Variants in IQCN observed in about 807,000 individuals in gnomAD.
IQCN encodes IQ motif containing N.
A neutral mutation model predicts 64.4 loss-of-function variants in IQCN; 46 were observed. The ratio of observed to expected loss-of-function variants is 0.71; its 90% CI spans 0.56 to 0.91. The LOEUF is 0.91. Among genes scored for constraint, IQCN ranks in the 40% least tolerant of loss-of-function variants. The pLI is 0.00. For missense variants in IQCN, 1,753 were observed against 1,857.4 expected, an observed-to-expected ratio of 0.94 and a Z score of 1.03; for synonymous variants, 733 against 775.6, an observed-to-expected ratio of 0.95 and a Z score of 0.91.
chr19:18,270,561 A>G (rs1969713597), intron 1 of IQCN, among the ~76,000 whole-genome samples: 1 of 152,074 alleles, frequency 6.6e-6, no homozygotes, highest in African/African-American at 2.4e-5. Flanking sequence ...CGGGAGGCTG[A>G]GACAGGAGGA....
At position 18,265,986 on chromosome 19, in the gene IQCN, C is replaced by CA. The variant is rs757265899; in HGVS notation, c.1553dup (p.Cys519ValfsTer31). 6.2e-7 allele frequency: 1 copy of CA among 1,614,100 alleles called. No homozygotes were observed. The highest frequency in any genetic ancestry group is 8.5e-7 in the Non-Finnish European group (1 of 1,179,994). On this transcript the variant is annotated frameshift_variant, in exon 3 of 4. Transcript: ENST00000392413. LOFTEE classifies it high-confidence loss of function. The surrounding 1 kb of genome is among the most constrained non-coding windows in gnomAD (Gnocchi z 4.7). ...TTGCCACTGTTGGAGAGGCCAGACA[C>CA]AGAGTCTTGAGGATGGTGGCCACCG...
chr19:18,272,894 G>C (rs920465628), intron 1 of IQCN, among the ~76,000 whole-genome samples: 2 of 152,032 alleles, frequency 1.3e-5, no homozygotes, highest in African/African-American at 4.8e-5. Flanking sequence ...ACAGGCGTGA[G>C]CCACCGCGCC....
In IQCN at chr19:18,257,101, G is replaced by A. The variant is rs781038711; in HGVS notation, c.*79C>T. The A allele has an allele frequency of 2.8e-6, 4 of 1,416,536 alleles. No homozygotes were observed. The highest frequency in any genetic ancestry group is 1.4e-5 in the African/African-American group (1 of 70,920). The allele number at this position is 1,416,536 out of a possible 1,614,324, so 87.7% of individuals were successfully genotyped here. A position where few individuals can be genotyped will look rare whatever the true frequency, so the allele number is the denominator to read the frequency against. On this transcript the variant is annotated 3_prime_UTR_variant, in exon 4 of 4. Coordinates refer to ENST00000392413, the MANE Select transcript of IQCN (RefSeq NM_001145304.2). ...CCAGAACACATCACCCAAGATCTAG[G>A]CTGTGGAGGACTTTATTCATTAGAC...
rs756994980 is a variant in IQCN, at chr19:18,267,057, C to T, written c.483G>A (p.Gly161=). Reference sequence around the variant, plus strand: ...GCTGTGGGGCGTGATAAGGTATGTCCCCCTCCTCCGCCCTCGTTTTCTTTA... The same window carrying T: ...GCTGTGGGGCGTGATAAGGTATGTCTCCCTCCTCCGCCCTCGTTTTCTTTA... ...SLVKKTRAEE[G]DIPYHAPQQV... is the part of the protein sequence containing the mutation. Residue 161 remains glycine, a synonymous_variant, in exon 3 of 4, where the codon GGG becomes GGA. Coordinates refer to ENST00000392413, the MANE Select transcript of IQCN (RefSeq NM_001145304.2). 6.2e-7 allele frequency: 1 copy of T among 1,614,242 alleles called. No individual in the cohort carries two copies. Among genetic ancestry groups the T allele is most frequent in the East Asian group, 2.2e-5 (1 of 44,888 alleles).
chr19:18,268,642 A>C (rs553435719), intron 2 of IQCN, among the ~76,000 whole-genome samples: 61 of 152,064 alleles, frequency 4.0e-4, no homozygotes, highest in Non-Finnish European at 5.7e-4. Context: ...AGCCGGGCCA[A>C]CATGGTGAAA....
Position 18,258,068 on chromosome 19 carries a change from C to G in IQCN, c.3216G>C (p.Trp1072Cys), listed in dbSNP as rs1191979254. ...CCCTGGCTGGCTCCCATGCGCGGTT[C>G]CACGATTGGCCACCAACCACACCAG... ...ADAGVVGGQS[W>C]NRAWEPARGA... Residue 1072 changes from tryptophan to cysteine, a missense_variant, in exon 4 of 4, where the codon TGG becomes TGC. By Grantham distance (215) the Trp-to-Cys change is radical. Transcript: ENST00000392413. 5 of 1,612,110 alleles carry G rather than the reference C, an allele frequency of 3.1e-6. No individual in the cohort carries two copies. The East Asian group carries it at 1.1e-4, about 36-fold the overall frequency.
intron 1 of IQCN, among the ~76,000 whole-genome samples, chr19:18,273,884 A>T (rs1483083192): frequency 6.6e-6 from 1 of 152,102 alleles, no homozygotes; most frequent in Non-Finnish European, 1.5e-5. Context: ...AAGCCAAGCG[A>T]CTGGCTCGGT....
At chr19:18,263,952 C>G (rs940671503) in intron 3 of IQCN, among the ~76,000 whole-genome samples, 3 of 152,176 alleles carry the variant, frequency 2.0e-5, no homozygotes, top group African/African-American at 7.2e-5. Context: ...TGGGCCCACA[C>G]AGTTGGCAAT....
At position 18,266,181 on chromosome 19, in the gene IQCN, G is replaced by C. The variant is rs1969576253; in HGVS notation, c.1359C>G (p.Thr453=). 1.9e-6 allele frequency: 3 copies of C among 1,614,102 alleles called. No individual in the cohort carries two copies. Among genetic ancestry groups the C allele is most frequent in the Non-Finnish European group, 2.5e-6 (3 of 1,180,012 alleles). The change falls in exon 3 of 4, where the codon ACC becomes ACG. Residue 453 remains threonine (T), a synonymous_variant. Coordinates refer to ENST00000392413, the MANE Select transcript of IQCN (RefSeq NM_001145304.2). This position sits in a 1 kb window ranked among gnomAD's most constrained non-coding sequence, Gnocchi z 4.3. ...QVCPGPAMAK[T]PPQMHPVTTP... is the part of the protein sequence containing the mutation. ...TGGTGACCGGGTGCATCTGGGGTGG[G>C]GTCTTTGCCATCGCAGGCCCCGGGC...
chr19:18,267,619 T>C, intron 2 of IQCN, 93 bp from the exon 3 acceptor site: 2 of 1,429,924 alleles, frequency 1.4e-6, no homozygotes, highest in Non-Finnish European at 1.8e-6. Flanking sequence ...CAGGCCCAGA[T>C]CTTGTTCCTG....
At position 18,267,263 on chromosome 19, in the gene IQCN, T is replaced by A. The variant is rs1472944528; in HGVS notation, c.277A>T (p.Asn93Tyr). 5.6e-6 allele frequency: 9 copies of A among 1,614,124 alleles called. No homozygotes were observed. The highest frequency in any genetic ancestry group is 7.6e-6 in the Non-Finnish European group (9 of 1,180,040). The change falls in exon 3 of 4, where the codon AAC (asparagine) becomes TAC (tyrosine). Residue 93 changes from asparagine to tyrosine, a missense_variant. By Grantham distance (143) the Asn-to-Tyr change is moderately radical. Coordinates refer to ENST00000392413, the MANE Select transcript of IQCN (RefSeq NM_001145304.2). The part of the protein sequence containing the change: ...RAVVESQAFK[N>Y]ILVDEMDMMH... ...ATGTCCATCTCGTCTACCAGGATGT[T>A]CTTGAAGGCCTGGCTCTCGACCACA...
rs761837049 is a variant in IQCN at position 18,265,525 on chromosome 19, T to C, written c.2015A>G (p.Gln672Arg). The change falls in exon 3 of 4, where the codon CAG becomes CGG. Residue 672 changes from glutamine to arginine, a missense_variant. Gln to Arg is a conservative substitution (Grantham distance 43). Transcript: ENST00000392413. This position sits in a 1 kb window ranked among gnomAD's most constrained non-coding sequence, Gnocchi z 4.7. ...LAAPLTNASS[Q>R]RHPPCLSQRP... Reference sequence around the variant, plus strand: ...CTGGGACAGGCAGGGTGGATGTCTCTGGGATGAGGCATTGGTCAGTGGGGC... The same window carrying C: ...CTGGGACAGGCAGGGTGGATGTCTCCGGGATGAGGCATTGGTCAGTGGGGC... 6.2e-7 allele frequency: 1 copy of C among 1,612,432 alleles called. No homozygotes were observed. The highest frequency in any genetic ancestry group is 1.1e-5 in the South Asian group (1 of 91,004).
intron 1 of IQCN, among the ~76,000 whole-genome samples, chr19:18,270,468 TG>T (rs1969711726): frequency 6.6e-6 from 1 of 151,696 alleles, no homozygotes; most frequent in Admixed American, 6.6e-5. Flanking sequence ...CAGACCAGCC[TG>T]GGCAACATGG....
Position 18,267,138 on chromosome 19 carries a change from C to CT in IQCN, c.401dup (p.Glu135GlyfsTer64). On this transcript the variant is annotated frameshift_variant, in exon 3 of 4. Coordinates refer to ENST00000392413, the MANE Select transcript of IQCN (RefSeq NM_001145304.2). LOFTEE classifies it high-confidence loss of function. ...TCTTGTTGAAGCGCCGCCAGGCCTCCTGGATGGCCTTGGCCGCCATCATCT... is the reference window on the plus strand; with the variant it reads ...TCTTGTTGAAGCGCCGCCAGGCCTCCTTGGATGGCCTTGGCCGCCATCATCT... 6.2e-7 allele frequency: 1 copy of CT among 1,614,248 alleles called. No homozygotes were observed. The highest frequency in any genetic ancestry group is 8.5e-7 in the Non-Finnish European group (1 of 1,180,056).
intron 1 of IQCN, among the ~76,000 whole-genome samples, chr19:18,270,830 CA>C (rs55706433): frequency 0.47 from 50,153 of 106,916 alleles, 8,871 homozygotes; most frequent in East Asian, 0.6. Context: ...GACCCTGTCT[CA>C]AAAAAAAAAA....
chr19:18,257,777 G>A lies in IQCN; in HGVS notation c.3507C>T (p.Ala1169=). 6.2e-7 allele frequency: 1 copy of A among 1,611,232 alleles called. No individual in the cohort carries two copies. Reference sequence around the variant, plus strand: ...CCCGGCGGGTGCTGTAGCCGCGCCAGGCAGACTGGATGGTCGTGGTGGCTC... The same window carrying A: ...CCCGGCGGGTGCTGTAGCCGCGCCAAGCAGACTGGATGGTCGTGGTGGCTC... ...LCRATTTIQS[A]WRGYSTRRDQ... The change falls in exon 4 of 4, where the codon GCC becomes GCT. Residue 1169 remains alanine, a synonymous_variant. Transcript: ENST00000392413.
intron 2 of IQCN, 115 bp from the exon 3 acceptor site, chr19:18,267,641 T>A: frequency 5.4e-6 from 7 of 1,302,358 alleles, no homozygotes; most frequent in Non-Finnish European, 7.1e-6. Context: ...CACGTTGCGA[T>A]CTTCCGCCTC....
In IQCN at chr19:18,265,627, G is replaced by C. The variant is rs377727246; in HGVS notation, c.1913C>G (p.Ala638Gly). Residue 638 changes from alanine to glycine, a missense_variant, in exon 3 of 4, where the codon GCT becomes GGT. Ala to Gly is a moderately conservative substitution (Grantham distance 60, BLOSUM62 0). Coordinates refer to ENST00000392413, the MANE Select transcript of IQCN (RefSeq NM_001145304.2). The surrounding 1 kb of genome is among the most constrained non-coding windows in gnomAD (Gnocchi z 4.7). ...MAGAPSWTKV[A>G]EEGDKPPHVY... ...GTGAGGTGGCTTGTCCCCTTCCTCA[G>C]CAACTTTTGTCCAGGATGGAGCCCC... 3.1e-6 allele frequency: 5 copies of C among 1,614,100 alleles called. No individual in the cohort carries two copies. The East Asian group carries it at 1.1e-4, about 36-fold the overall frequency.
intron 1 of IQCN, among the ~76,000 whole-genome samples, chr19:18,270,276 T>C (rs967090300): frequency 6.7e-6 from 1 of 148,604 alleles, no homozygotes; most frequent in South Asian, 2.1e-4. Context: ...CAGGAGAATA[T>C]CTTGAACCTG....
Sources: allele counts gnomAD v4.1 joint callset (sites outside exome capture counted in the v4.1 genomes callset), GRCh38; gene constraint gnomAD v4.1.1; non-coding constraint Gnocchi (gnomAD v3.1); transcripts MANE v1.5; gene names NCBI Gene and HGNC (gene_info 2026-07-23, HGNC 2026-07-21).